The following SLC12A4 variants were observed in gnomAD, a reference collection of about 807,000 sequenced individuals.
SLC12A4 encodes solute carrier family 12 member 4, also known as electroneutral potassium-chloride cotransporter 1.
A neutral mutation model predicts 119.2 loss-of-function variants in SLC12A4; 84 were observed. The ratio of observed to expected loss-of-function variants is 0.70; its 90% CI spans 0.59 to 0.85. SLC12A4 has a LOEUF of 0.85. Among genes scored for constraint, SLC12A4 ranks in the 40% least tolerant of loss-of-function variants. SLC12A4 has a pLI of 0.00. For synonymous variants in SLC12A4, 599 were observed against 604.6 expected (o/e 0.99, Z 0.14); for missense variants, 1,298 against 1,476.3 (o/e 0.88, Z 1.98).
intron 1 of SLC12A4, chr16:67,963,792 C>T (rs1398097889): frequency 8.2e-7 from 1 of 1,218,460 alleles, no homozygotes; most frequent in Non-Finnish European, 1.1e-6. Context: ...TGAAGGGAAT[C>T]CAGGTGAGGG....
At chr16:67,957,137 GAAT>G in intron 5 of SLC12A4, among the ~76,000 whole-genome samples, 1 of 150,928 alleles carries the variant, frequency 6.6e-6, no homozygotes, top group Admixed American at 6.6e-5. Context: ...CAAGTAGCTG[GAAT>G]TACAAGTGCC....
rs1323430313 is a variant in SLC12A4 at position 67,944,810 on chromosome 16, T to G, written c.*30A>C. On this transcript the variant is annotated 3_prime_UTR_variant, in exon 24 of 24. Coordinates refer to ENST00000316341, the MANE Select transcript of SLC12A4 (RefSeq NM_005072.5). This position sits in a 1 kb window ranked among gnomAD's most constrained non-coding sequence, Gnocchi z 6.6. ...AGCTTGTTATGTCCTGGCCAAGACC[T>G]CGACTCCAGGCCACAAGATGACACT... is the stretch of plus-strand genomic sequence containing the variant. The G allele has an allele frequency of 6.2e-7, 1 of 1,610,386 alleles. No individual in the cohort carries two copies. Among genetic ancestry groups the G allele is most frequent in the Admixed American group, 1.7e-5 (1 of 59,922 alleles).
chr16:67,966,215 T>C (rs570364805), intron 1 of SLC12A4, among the ~76,000 whole-genome samples: 20 of 152,214 alleles, frequency 1.3e-4, no homozygotes, highest in Non-Finnish European at 2.6e-4. Flanking sequence ...GGACAGTTAG[T>C]GCCAGACGCC....
chr16:67,962,858 A>C (rs2030655998), intron 2 of SLC12A4: 1 of 152,214 alleles, frequency 6.6e-6, no homozygotes, highest in Non-Finnish European at 1.5e-5. Context: ...AGAGAAAAAA[A>C]AGGCAGATTA....
chr16:67,968,577 C>T lies in SLC12A4; in HGVS notation c.-24G>A. 1.3e-6 allele frequency: 2 copies of T among 1,497,922 alleles called. No homozygotes were observed. Among genetic ancestry groups the T allele is most frequent in the Non-Finnish European group, 1.8e-6 (2 of 1,128,456 alleles). The allele number at this position is 1,497,922 out of a possible 1,614,324, so 92.8% of individuals were successfully genotyped here. On this transcript the variant is annotated 5_prime_UTR_variant, in exon 1 of 24. In the 5' UTR this introduces an upstream ATG that the reference lacks. Transcript: ENST00000316341. The stretch of plus-strand genomic sequence containing the variant: ...ATCGTGCGGGCTCGGCCCCGCCGCA[C>T]CCGCCGTCCCAGCCGCCCGCCGCTG...
chr16:67,946,767 G>T, intron 17 of SLC12A4, 134 bp from the exon 18 acceptor site: 1 of 1,266,816 alleles, frequency 7.9e-7, no homozygotes, highest in Non-Finnish European at 1.1e-6. Context: ...CTACCCAGAG[G>T]CCAAGTTTTC....
At chr16:67,956,171 A>T (rs1399391636) in intron 5 of SLC12A4, among the ~76,000 whole-genome samples, 1 of 151,812 alleles carries the variant, frequency 6.6e-6, no homozygotes, top group African/African-American at 2.4e-5. Flanking sequence ...ACTCCGTCTC[A>T]AAATAAATAA....
Position 67,961,700 on chromosome 16 carries a change from G to A in SLC12A4, c.217C>T (p.Leu73=). ...GACGATACCTTTGGGCGGATGTCCA[G>A]CTCTTCCTGCAAACAGAGCCACAGG... ...DRNLALFEEE[L]DIRPKVSSLL... is the part of the protein sequence containing the mutation. Residue 73 remains leucine (L), a synonymous_variant, in exon 3 of 24, where the codon CTG becomes TTG. Coordinates refer to ENST00000316341, the MANE Select transcript of SLC12A4 (RefSeq NM_005072.5). The A allele has an allele frequency of 6.2e-7, 1 of 1,614,092 alleles. No homozygotes were observed. Among genetic ancestry groups the A allele is most frequent in the Admixed American group, 1.7e-5 (1 of 60,014 alleles).
In SLC12A4 at chr16:67,946,461, G is replaced by A. The variant is rs1340720986; in HGVS notation, c.2414C>T (p.Pro805Leu). The change falls in exon 18 of 24, where the codon CCC becomes CTC. Residue 805 changes from proline to leucine, a missense_variant. Coordinates refer to ENST00000316341, the MANE Select transcript of SLC12A4 (RefSeq NM_005072.5). ...ACCAATGAAGGTCTTCCAGGCACGGGGGTCCTCGCTCTGTCGCCAGCCGTA... is the reference window on the plus strand; with the variant it reads ...ACCAATGAAGGTCTTCCAGGCACGGAGGTCCTCGCTCTGTCGCCAGCCGTA... The part of the protein sequence containing the change: ...WPYGWRQSED[P>L]RAWKTFIDTV... 6.2e-7 allele frequency: 1 copy of A among 1,606,408 alleles called. No individual in the cohort carries two copies. The highest frequency in any genetic ancestry group is 1.3e-5 in the African/African-American group (1 of 75,066).
At chr16:67,961,522 G>A in intron 3 of SLC12A4, 53 bp downstream of exon 3, 1 of 1,596,804 alleles carries the variant, frequency 6.3e-7, no homozygotes, top group Non-Finnish European at 8.5e-7. Context: ...CAATTCCATG[G>A]TGCTGTGTCT....
At chr16:67,956,833 C>CACATATAT (rs374708673) in intron 5 of SLC12A4, among the ~76,000 whole-genome samples, 1 of 149,298 alleles carries the variant, frequency 6.7e-6, no homozygotes, top group Non-Finnish European at 1.5e-5. Flanking sequence ...CACACACACA[C>CACATATAT]ATATATATAT....
chr16:67,966,240 C>T (rs1021710356), intron 1 of SLC12A4, among the ~76,000 whole-genome samples: 2 of 152,248 alleles, frequency 1.3e-5, no homozygotes, highest in Non-Finnish European at 2.9e-5. Context: ...GGGCACTCCT[C>T]GGAGTTCCCC....
In SLC12A4 at chr16:67,944,646, C is replaced by T; in HGVS notation, c.*194G>A. 1.4e-6 allele frequency: 2 copies of T among 1,422,180 alleles called. No homozygotes were observed. The highest frequency in any genetic ancestry group is 5.2e-4 in the Middle Eastern group (2 of 3,816). The allele number at this position is 1,422,180 out of a possible 1,614,324, so 88.1% of individuals were successfully genotyped here. On this transcript the variant is annotated 3_prime_UTR_variant, in exon 24 of 24. Transcript: ENST00000316341. This position sits in a 1 kb window ranked among gnomAD's most constrained non-coding sequence, Gnocchi z 6.6. ...TAAAGTCCCCAAACATCCCAGGGTC[C>T]CACAAGACCTGGGATCCATCTCCAT...
chr16:67,959,617 G>A (rs2030456180), intron 3 of SLC12A4, among the ~76,000 whole-genome samples: 1 of 152,154 alleles, frequency 6.6e-6, no homozygotes, highest in Non-Finnish European at 1.5e-5. Context: ...CCCTCATCTG[G>A]GCTTTGTCTG....
rs1043690021 is a variant in SLC12A4 at position 67,951,203 on chromosome 16, C to T, written c.1234G>A (p.Val412Met). Reference sequence around the variant, plus strand: ...AAGGATGTGGCGATGTCAGCGACCACGTACAGAGGCAGGCTCTCCTTCAGG... The same window carrying T: ...AAGGATGTGGCGATGTCAGCGACCATGTACAGAGGCAGGCTCTCCTTCAGG... ...PSLKESLPLY[V>M]VADIATSFTV... is the part of the protein sequence containing the mutation. Residue 412 changes from valine (V) to methionine (M), a missense_variant, in exon 9 of 24, where the codon GTG becomes ATG. Val to Met is a conservative substitution (Grantham distance 21). Coordinates refer to ENST00000316341, the MANE Select transcript of SLC12A4 (RefSeq NM_005072.5). The surrounding 1 kb of genome is among the most constrained non-coding windows in gnomAD (Gnocchi z 5.2). 30 of 1,613,990 alleles carry T rather than the reference C, an allele frequency of 1.9e-5. No individual in the cohort carries two copies. The highest frequency in any genetic ancestry group is 1.6e-4 in the Middle Eastern group (1 of 6,084).
chr16:67,954,288 G>T, intron 6 of SLC12A4: 1 of 339,934 alleles, frequency 2.9e-6, no homozygotes, highest in Non-Finnish European at 5.8e-6. Flanking sequence ...ACACAGAGCT[G>T]GCCAGAGCTC....
At chr16:67,964,162 G>T (rs1324049021) in intron 1 of SLC12A4, 4 of 1,420,286 alleles carry the variant, frequency 2.8e-6, no homozygotes, top group Non-Finnish European at 3.7e-6. Flanking sequence ...GAGCCTTCTA[G>T]GGTTGCCTAA....
chr16:67,953,417 A>G (rs972061916), intron 6 of SLC12A4, among the ~76,000 whole-genome samples: 11 of 152,198 alleles, frequency 7.2e-5, no homozygotes, highest in African/African-American at 2.4e-4. Context: ...AATAAAAAAT[A>G]AGAGTACCTA....
Position 67,947,792 on chromosome 16 carries a change from G to A in SLC12A4, c.1848-4C>T. 1 of 1,583,628 alleles carries A rather than the reference G, an allele frequency of 6.3e-7. No individual in the cohort carries two copies. The highest frequency in any genetic ancestry group is 1.8e-5 in the Admixed American group (1 of 55,134). ...CATGCCCAGGAAGGACAGCGCCCTG[G>A]ACGAGAGGGGAGGGCAGAGTCAGGG... On this transcript the variant is annotated splice_polypyrimidine_tract_variant and splice_region_variant and intron_variant, in intron 14 of 23. Coordinates refer to ENST00000316341, the MANE Select transcript of SLC12A4 (RefSeq NM_005072.5).
Sources: allele counts gnomAD v4.1 joint callset (sites outside exome capture counted in the v4.1 genomes callset), GRCh38; gene constraint gnomAD v4.1.1; non-coding constraint Gnocchi (gnomAD v3.1); transcripts MANE v1.5; gene names NCBI Gene and HGNC (gene_info 2026-07-23, HGNC 2026-07-21).